The following RGS6 variants were observed in gnomAD, a reference collection of about 807,000 sequenced individuals.
RGS6 encodes the protein regulator of G-protein signaling 6.
A neutral mutation model predicts 78.5 loss-of-function variants in RGS6; 30 were observed. The ratio of observed to expected loss-of-function variants is 0.38; its 90% CI spans 0.29 to 0.52. The LOEUF (loss-of-function observed/expected upper bound fraction) is 0.52. Ranked by LOEUF, RGS6 falls within the 20% of genes least tolerant of loss-of-function variation. The pLI is 0.85. For missense variants in RGS6, 495 were observed against 609.7 expected (o/e 0.81, Z 1.98); for synonymous variants, 206 against 206.0 (o/e 1.00, Z 0.00).
chr14:72,477,300 T>C (rs2153353974), intron 11 of RGS6: 1 of 156,546 alleles, frequency 6.4e-6, no homozygotes, highest in East Asian at 1.9e-4. Context: ...TCTTTCATGA[T>C]GAGCAGCCCA....
intron 2 of RGS6, among the ~76,000 whole-genome samples, chr14:72,084,524 T>C (rs2094947440): frequency 6.6e-6 from 1 of 152,118 alleles, no homozygotes; most frequent in South Asian, 2.1e-4. Flanking sequence ...ATTTGTAAAA[T>C]AAAGAAATTG....
Position 72,290,886 on chromosome 14 carries a change from C to A in RGS6, c.85-61209C>A, listed in dbSNP as rs558805845. The stretch of plus-strand genomic sequence containing the variant: ...GGGCAACAAGGTTTGAATCTGAGTT[C>A]TTTGAAATGCAGGTTCTTTCACTCA... On this transcript the variant is annotated intron_variant, in intron 2 of 17. Transcript: ENST00000553525. Among the ~76,000 whole-genome samples the A allele has an allele frequency of 9.9e-5, 15 of 152,228 alleles. No individual in the cohort carries two copies. The East Asian group carries it at 2.1e-3, about 22-fold the overall frequency.
intron 2 of RGS6, among the ~76,000 whole-genome samples, chr14:72,323,902 T>G (rs10146126): frequency 0.31 from 47,000 of 149,750 alleles, 7,662 homozygotes; most frequent in African/African-American, 0.4. Flanking sequence ...TATTTTTAAT[T>G]TTTATGGCCA....
chr14:72,417,490 C>A (rs1390108888), intron 3 of RGS6, among the ~76,000 whole-genome samples: 2 of 151,560 alleles, frequency 1.3e-5, no homozygotes, highest in Non-Finnish European at 2.9e-5. Flanking sequence ...CTTTTTTTTT[C>A]CCCCAGATAG....
chr14:71,962,981 C>A (rs1222606977), intron 1 of RGS6, among the ~76,000 whole-genome samples: 2 of 152,120 alleles, frequency 1.3e-5, no homozygotes, highest in Non-Finnish European at 2.9e-5. Flanking sequence ...GTGCAAATAA[C>A]CCAGGCAGCC....
intron 15 of RGS6, among the ~76,000 whole-genome samples, chr14:72,526,470 G>A (rs1481543373): frequency 6.6e-6 from 1 of 151,912 alleles, no homozygotes; most frequent in Admixed American, 6.5e-5. Context: ...ATGCAAAGCT[G>A]TCTTTGAAGC....
At chr14:72,396,221 C>A (rs1047599337) in intron 3 of RGS6, among the ~76,000 whole-genome samples, 2 of 152,180 alleles carry the variant, frequency 1.3e-5, no homozygotes, top group African/African-American at 4.8e-5. Flanking sequence ...TAATGATTTT[C>A]ATTCTAACTG....
intron 2 of RGS6, among the ~76,000 whole-genome samples, chr14:72,268,218 C>T (rs1262248302): frequency 1.3e-5 from 2 of 152,210 alleles, no homozygotes; most frequent in East Asian, 3.9e-4. Context: ...CTTTCTGGAG[C>T]ATGGCGGGTC....
chr14:71,909,878 G>A, the RGS6 span, among the ~76,000 whole-genome samples: 1 of 152,038 alleles, frequency 6.6e-6, no homozygotes, highest in African/African-American at 2.4e-5. Context: ...GTGTATTTGA[G>A]CTAAAGGCAA....
At chr14:72,342,342 G>A (rs1379372536) in intron 2 of RGS6, among the ~76,000 whole-genome samples, 1 of 152,084 alleles carries the variant, frequency 6.6e-6, no homozygotes, top group African/African-American at 2.4e-5. Context: ...AAGGCAGGCA[G>A]ATCACTTGAG....
At chr14:72,475,199 GTTT>G (rs11300478) in intron 10 of RGS6, among the ~76,000 whole-genome samples, 23 of 122,002 alleles carry the variant, frequency 1.9e-4, no homozygotes, top group Admixed American at 2.7e-4. Flanking sequence ...CTTTTTTATG[GTTT>G]TTTTTTTTTT....
intron 2 of RGS6, among the ~76,000 whole-genome samples, chr14:72,107,059 A>G (rs1300864049): frequency 2.0e-5 from 3 of 151,984 alleles, no homozygotes; most frequent in Admixed American, 6.6e-5. Context: ...CTGTCATTTC[A>G]TTTTCATTTA....
At chr14:71,874,815 C>A in the RGS6 span, among the ~76,000 whole-genome samples, 2 of 152,110 alleles carry the variant, frequency 1.3e-5, no homozygotes, top group Non-Finnish European at 2.9e-5. Context: ...GAGATACATC[C>A]CATCAATACC....
chr14:72,230,511 C>T (rs939566027), intron 2 of RGS6, among the ~76,000 whole-genome samples: 2 of 152,084 alleles, frequency 1.3e-5, no homozygotes, highest in African/African-American at 4.8e-5. Flanking sequence ...ATTGAGGATC[C>T]AACTAAGATT....
At chr14:72,615,236 C>T in the RGS6 span, among the ~76,000 whole-genome samples, 18 of 152,216 alleles carry the variant, frequency 1.2e-4, no homozygotes, top group South Asian at 3.1e-3. Flanking sequence ...CCACGGGCGG[C>T]GCAACACCCC....
At position 72,295,058 on chromosome 14, in the gene RGS6, G is replaced by A. The variant is rs571691424; in HGVS notation, c.85-57037G>A. ...TGTAATCCCAGCACTTTGGGAGGCC[G>A]AGGCGGGCGGATCACGAGGTCAGGA... On this transcript the variant is annotated intron_variant, in intron 2 of 17. Coordinates refer to ENST00000553525, the MANE Select transcript of RGS6 (RefSeq NM_001204424.2). Among the ~76,000 whole-genome samples, 43 of 152,166 alleles carry A rather than the reference G, an allele frequency of 2.8e-4. No individual in the cohort carries two copies. The East Asian group carries it at 6.6e-3, about 23-fold the overall frequency.
At chr14:72,180,684 G>C (rs994710142) in intron 2 of RGS6, among the ~76,000 whole-genome samples, 1 of 152,234 alleles carries the variant, frequency 6.6e-6, no homozygotes, top group Non-Finnish European at 1.5e-5. Context: ...CTTGTGTTAG[G>C]AGCTTGGTTG....
chr14:72,313,759 G>A (rs112301176), intron 2 of RGS6, among the ~76,000 whole-genome samples: 4 of 152,198 alleles, frequency 2.6e-5, no homozygotes, highest in African/African-American at 9.7e-5. Flanking sequence ...AGGCTGGGGA[G>A]TAAGGATGGA....
At chr14:72,441,713 G>A (rs1251883771) in intron 3 of RGS6, among the ~76,000 whole-genome samples, 6 of 152,256 alleles carry the variant, frequency 3.9e-5, no homozygotes, top group Admixed American at 3.9e-4. Flanking sequence ...TCAGACCAGA[G>A]GCCCCTGAAG....
Sources: allele counts gnomAD v4.1 joint callset (sites outside exome capture counted in the v4.1 genomes callset), GRCh38; gene constraint gnomAD v4.1.1; transcripts MANE v1.5; gene names NCBI Gene and HGNC (gene_info 2026-07-23, HGNC 2026-07-21).